CCSER1: variants seen among roughly 807,000 people sequenced by gnomAD.
The protein encoded by CCSER1 is coiled-coil serine rich protein 1.
In CCSER1, 41 loss-of-function variants were observed where a neutral mutation model predicts 82.0. The observed-to-expected ratio is 0.50, with a 90% CI of 0.39 to 0.65. CCSER1 has a LOEUF of 0.65. Ranked by LOEUF, CCSER1 falls within the 30% of genes least tolerant of loss-of-function variation. The pLI, the probability that CCSER1 is intolerant of heterozygous loss-of-function variation, is 0.00. For missense variants in CCSER1, 1,119 were observed against 1,064.2 expected, an observed-to-expected ratio of 1.05 and a Z score of -0.72; for synonymous variants, 414 against 383.9, an observed-to-expected ratio of 1.08 and a Z score of -0.92.
chr4:90,194,947 G>T (rs1736322915), intron 1 of CCSER1, among the ~76,000 whole-genome samples: 1 of 152,128 alleles, frequency 6.6e-6, no homozygotes. Context: ...TATAGAAAAT[G>T]TTCTCATGTA....
At chr4:90,874,078 C>T (rs1766895162) in intron 8 of CCSER1, among the ~76,000 whole-genome samples, 1 of 152,034 alleles carries the variant, frequency 6.6e-6, no homozygotes. Context: ...TTTGGCTTTC[C>T]TTCCATCTTC....
intron 10 of CCSER1, among the ~76,000 whole-genome samples, chr4:91,534,054 T>A (rs1289566119): frequency 6.6e-6 from 1 of 152,068 alleles, no homozygotes. Context: ...CTCTGGCAAC[T>A]GTAGATTATC....
chr4:90,613,791 C>T (rs898584154), intron 5 of CCSER1, among the ~76,000 whole-genome samples: 53 of 152,218 alleles, frequency 3.5e-4, no homozygotes, highest in African/African-American at 1.1e-3. Context: ...AAAAAACAAA[C>T]AGACATTCAC....
rs1247626644 is a variant in CCSER1, at chr4:90,514,613, G to A, written c.1724+46259G>A. The stretch of plus-strand genomic sequence containing the variant: ...TCTACTAAAAATACAAAAATTAGCT[G>A]GGCATGGTGGCAGGTGCCGGTAATC... On this transcript the variant is annotated intron_variant, in intron 5 of 10. Coordinates refer to ENST00000509176, the MANE Select transcript of CCSER1 (RefSeq NM_001145065.2). 2.0e-5 allele frequency among the ~76,000 whole-genome samples: 3 copies of A among 152,060 alleles called. No homozygotes were observed. In the East Asian group the frequency reaches 5.8e-4, roughly 30 times the overall value.
intron 9 of CCSER1, among the ~76,000 whole-genome samples, chr4:91,037,030 T>C (rs7687142): frequency 0.042 from 6,407 of 152,062 alleles, 178 homozygotes; most frequent in Middle Eastern, 0.065. Flanking sequence ...TGACTGGAGA[T>C]CGTGTCACTG....
At chr4:90,555,487 G>A (rs1308958302) in intron 5 of CCSER1, among the ~76,000 whole-genome samples, 1 of 151,988 alleles carries the variant, frequency 6.6e-6, no homozygotes, top group African/African-American at 2.4e-5. Flanking sequence ...AGCAGTTTTT[G>A]CTATTTGTGA....
At chr4:90,811,967 CACAT>C (rs1561180454) in intron 7 of CCSER1, among the ~76,000 whole-genome samples, 3 of 77,544 alleles carry the variant, frequency 3.9e-5, no homozygotes, top group Admixed American at 1.3e-4. Flanking sequence ...CATATATATA[CACAT>C]ATATATATAT....
chr4:90,477,462 A>C (rs1765261594), intron 5 of CCSER1, among the ~76,000 whole-genome samples: 1 of 152,212 alleles, frequency 6.6e-6, no homozygotes, highest in Non-Finnish European at 1.5e-5. Flanking sequence ...AAGAGGAAGC[A>C]CAATAAAAAT....
chr4:90,357,505 T>G (rs935635882), intron 3 of CCSER1, among the ~76,000 whole-genome samples: 1 of 151,994 alleles, frequency 6.6e-6, no homozygotes, highest in African/African-American at 2.4e-5. Context: ...ATAGTAAAAT[T>G]GTTACACGTC....
intron 9 of CCSER1, among the ~76,000 whole-genome samples, chr4:90,930,425 C>A (rs1729590199): frequency 6.6e-6 from 1 of 151,702 alleles, no homozygotes; most frequent in Non-Finnish European, 1.5e-5. Context: ...CACGGTGAAA[C>A]CCCATCTCTA....
At chr4:91,324,640 C>G (rs768464062) in intron 10 of CCSER1, among the ~76,000 whole-genome samples, 23 of 152,034 alleles carry the variant, frequency 1.5e-4, no homozygotes, top group Admixed American at 3.9e-4. Flanking sequence ...GTCTTTGGCT[C>G]TGAGTAATAA....
intron 10 of CCSER1, among the ~76,000 whole-genome samples, chr4:91,129,365 C>T (rs1727803768): frequency 6.6e-6 from 1 of 151,922 alleles, no homozygotes; most frequent in African/African-American, 2.4e-5. Flanking sequence ...CACCTGATAC[C>T]TGAACAAAAT....
intron 3 of CCSER1, among the ~76,000 whole-genome samples, chr4:90,349,993 C>A (rs1743137491): frequency 6.6e-6 from 1 of 152,110 alleles, no homozygotes; most frequent in Admixed American, 6.5e-5. Context: ...CTGCATCTTT[C>A]ATTGTACTTT....
chr4:91,438,451 A>G (rs915965729), intron 10 of CCSER1, among the ~76,000 whole-genome samples: 3 of 152,138 alleles, frequency 2.0e-5, no homozygotes, highest in Non-Finnish European at 4.4e-5. Context: ...ACTAACAAAC[A>G]GAAAGGACAT....
intron 7 of CCSER1, among the ~76,000 whole-genome samples, chr4:90,729,226 A>G (rs1448024810): frequency 6.6e-6 from 1 of 152,250 alleles, no homozygotes; most frequent in Non-Finnish European, 1.5e-5. Context: ...TATAGATGCA[A>G]GATCTCCAAG....
chr4:91,051,158 C>G (rs887822863), intron 9 of CCSER1, among the ~76,000 whole-genome samples: 1 of 152,018 alleles, frequency 6.6e-6, no homozygotes, highest in African/African-American at 2.4e-5. Context: ...ATTTGAAGTA[C>G]AGAGCACAGA....
At chr4:90,385,559 A>C (rs563144827) in intron 3 of CCSER1, among the ~76,000 whole-genome samples, 1 of 150,520 alleles carries the variant, frequency 6.6e-6, no homozygotes, top group African/African-American at 2.5e-5. Context: ...TCACGGGTTC[A>C]TGCCATTCTC....
At chr4:90,670,862 T>A (rs1732670656) in intron 6 of CCSER1, among the ~76,000 whole-genome samples, 1 of 151,660 alleles carries the variant, frequency 6.6e-6, no homozygotes, top group Non-Finnish European at 1.5e-5. Context: ...GGGGCAAGAG[T>A]CAAGTATACC....
intron 5 of CCSER1, among the ~76,000 whole-genome samples, chr4:90,506,765 CAA>C (rs561754187): frequency 0.013 from 1,474 of 114,144 alleles, 24 homozygotes; most frequent in African/African-American, 0.044. Flanking sequence ...ACTCCGTGTC[CAA>C]AAAAAAAAAA....
Sources: gnomAD v4.1 joint callset for allele counts (sites outside exome capture counted in the v4.1 genomes callset) on GRCh38, gnomAD v4.1.1 for gene constraint, MANE v1.5 for transcripts, NCBI Gene and HGNC (gene_info 2026-07-23, HGNC 2026-07-21) for gene names.